TRAK2: variants seen among roughly 807,000 people sequenced by gnomAD.
TRAK2 encodes trafficking kinesin-binding protein 2.
TRAK2 carries 81 observed loss-of-function variants against 104.6 expected under a neutral mutation model. That is an observed-to-expected ratio of 0.77 (90% CI 0.65 to 0.93). The LOEUF is 0.93. TRAK2 is among the 40% of genes least tolerant of loss of function. TRAK2 has a pLI of 0.00. For synonymous variants in TRAK2, 406 were observed against 394.4 expected (o/e 1.03, Z -0.35); for missense variants, 1,002 against 1,089.0 (o/e 0.92, Z 1.12).
chr2:201,400,315 T>A (rs1172312794), intron 4 of TRAK2, among the ~76,000 whole-genome samples: 1 of 152,124 alleles, frequency 6.6e-6, no homozygotes, highest in African/African-American at 2.4e-5. Context: ...GCCTTATATA[T>A]GATCTGCTTA....
intron 15 of TRAK2, among the ~76,000 whole-genome samples, chr2:201,383,072 A>G (rs557583787): frequency 3.2e-4 from 48 of 152,356 alleles, no homozygotes; most frequent in African/African-American, 1.1e-3. Context: ...CATGTTCTAC[A>G]TATCTTTAAA....
intron 1 of TRAK2, among the ~76,000 whole-genome samples, chr2:201,446,115 A>C (rs1457014914): frequency 2.0e-5 from 3 of 152,080 alleles, no homozygotes; most frequent in African/African-American, 7.2e-5. Context: ...TCAGGCTTGA[A>C]ACCTTACAAC....
chr2:201,386,346 T>G lies in TRAK2; in HGVS notation c.1835A>C (p.Glu612Ala). The change falls in exon 14 of 16, where the codon GAG (glutamate) becomes GCG (alanine). Residue 612 changes from glutamate to alanine, a missense_variant. By Grantham distance (107) the Glu-to-Ala change is moderately radical. Coordinates refer to ENST00000332624, the MANE Select transcript of TRAK2 (RefSeq NM_015049.3). ...AAAAGTAATACCCTCCTCTTCATCC[T>G]CTTCTAAATCTGAGATGTGATAAAT... ...DAIYHISDLE[E>A]DEEEGITFQV... 1 of 1,614,154 alleles carries G rather than the reference T, an allele frequency of 6.2e-7. No individual in the cohort carries two copies. The highest frequency in any genetic ancestry group is 8.5e-7 in the Non-Finnish European group (1 of 1,180,022).
intron 1 of TRAK2, among the ~76,000 whole-genome samples, chr2:201,429,715 G>C (rs979261648): frequency 1.3e-5 from 2 of 152,144 alleles, no homozygotes; most frequent in African/African-American, 4.8e-5. Flanking sequence ...AGCTCCCTCA[G>C]GTCATTTGAG....
intron 2 of TRAK2, chr2:201,419,534 T>C (rs1951721882): frequency 6.5e-6 from 1 of 154,336 alleles, no homozygotes; most frequent in African/African-American, 2.4e-5. Context: ...AGAAAGCAGA[T>C]TAGTGGTTGT....
intron 3 of TRAK2, among the ~76,000 whole-genome samples, 163 bp from the exon 4 acceptor site, chr2:201,401,257 T>G (rs1951548755): frequency 6.6e-6 from 1 of 152,058 alleles, no homozygotes; most frequent in Non-Finnish European, 1.5e-5. Context: ...TTTCATGTAT[T>G]AGACACTCAA....
In TRAK2 at chr2:201,395,213, G is replaced by A. The variant is rs113653670; in HGVS notation, c.900+101C>T. ...CAGATTAGGGCATTTTAAAAGGGCA[G>A]GGACAATGTTTATTTTGTTTATTGT... On this transcript the variant is annotated intron_variant, in intron 8 of 15. Coordinates refer to ENST00000332624, the MANE Select transcript of TRAK2 (RefSeq NM_015049.3). 1.6e-3 allele frequency: 1,573 copies of A among 1,012,320 alleles called. 25 individuals are homozygous for A. The African/African-American group carries it at 0.021, about 14-fold the overall frequency. 62.7% of individuals were successfully genotyped at this position (1,012,320 alleles called of 1,614,324 possible).
chr2:201,380,311 C>T lies in TRAK2; in HGVS notation c.*232G>A. The T allele has an allele frequency of 1.8e-6, 1 of 556,448 alleles. No homozygotes were observed. Among genetic ancestry groups the T allele is most frequent in the East Asian group, 2.9e-5 (1 of 34,262 alleles). The allele number at this position is 556,448 out of a possible 1,614,324, so 34.5% of individuals were successfully genotyped here. A position where few individuals can be genotyped will look rare whatever the true frequency, so the allele number is the denominator to read the frequency against. On this transcript the variant is annotated 3_prime_UTR_variant, in exon 16 of 16. Coordinates refer to ENST00000332624, the MANE Select transcript of TRAK2 (RefSeq NM_015049.3). ...ACTCAACTGAAGGAGTATATTAAAC[C>T]TTTCTTTTCTCCCTCTGAACACTCA...
At chr2:201,423,763 A>G (rs1357350054) in intron 1 of TRAK2, among the ~76,000 whole-genome samples, 2 of 152,192 alleles carry the variant, frequency 1.3e-5, no homozygotes, top group African/African-American at 2.4e-5. Context: ...TATATAATAC[A>G]AAGTATATAA....
chr2:201,398,466 T>C, intron 5 of TRAK2, 112 bp from the exon 6 acceptor site: 2 of 1,035,200 alleles, frequency 1.9e-6, no homozygotes, highest in Non-Finnish European at 2.8e-6. Context: ...AATCACAAAA[T>C]CAGCTGCTAG....
At chr2:201,384,281 A>C in intron 14 of TRAK2, 65 bp from the exon 15 acceptor site, 4 of 1,154,366 alleles carry the variant, frequency 3.5e-6, no homozygotes, top group Non-Finnish European at 5.1e-6. Context: ...TAAAAAGCTC[A>C]TCATTATTTA....
At chr2:201,443,847 G>T (rs553910209) in intron 1 of TRAK2, among the ~76,000 whole-genome samples, 1 of 152,112 alleles carries the variant, frequency 6.6e-6, no homozygotes, top group Admixed American at 6.6e-5. Context: ...CCTTAAACAG[G>T]GTTCTTCTCC....
intron 2 of TRAK2, among the ~76,000 whole-genome samples, chr2:201,416,680 TAA>T (rs1265953607): frequency 6.6e-6 from 1 of 152,084 alleles, no homozygotes; most frequent in African/African-American, 2.4e-5. Flanking sequence ...ATAGTAATAA[TAA>T]TATGTAGAAT....
At position 201,386,458 on chromosome 2, in the gene TRAK2, G is replaced by T. The variant is rs760861534; in HGVS notation, c.1723C>A (p.Gln575Lys). ...EGSQTLYHWQ[Q>K]LAQPNLGTIL... is the part of the protein sequence containing the mutation. Reference sequence around the variant, plus strand: ...GTTCCCAAGTTTGGTTGAGCAAGCTGCTGCCAGTGATACAGAGTTTGTGAT... The same window carrying T: ...GTTCCCAAGTTTGGTTGAGCAAGCTTCTGCCAGTGATACAGAGTTTGTGAT... The change falls in exon 14 of 16, where the codon CAG (glutamine) becomes AAG (lysine). Residue 575 changes from glutamine (Q) to lysine (K), a missense_variant. By Grantham distance (53) the Gln-to-Lys change is moderately conservative. Transcript: ENST00000332624. 1.2e-6 allele frequency: 2 copies of T among 1,614,166 alleles called. No individual in the cohort carries two copies. Among genetic ancestry groups the T allele is most frequent in the Non-Finnish European group, 1.7e-6 (2 of 1,180,002 alleles).
intron 1 of TRAK2, among the ~76,000 whole-genome samples, chr2:201,422,352 TAAAAA>T (rs1431784001): frequency 6.6e-6 from 1 of 152,156 alleles, no homozygotes; most frequent in Non-Finnish European, 1.5e-5. Flanking sequence ...TGTGCATACT[TAAAAA>T]AATCAGGAAC....
chr2:201,420,318 G>A (rs1951728726), intron 2 of TRAK2, 99 bp downstream of exon 2: 2 of 957,278 alleles, frequency 2.1e-6, no homozygotes, highest in South Asian at 2.9e-5. Flanking sequence ...AGAAAGGGAG[G>A]CTTGGGTTTC....
At chr2:201,443,264 C>G (rs1438744462) in intron 1 of TRAK2, among the ~76,000 whole-genome samples, 1 of 152,134 alleles carries the variant, frequency 6.6e-6, no homozygotes, top group Non-Finnish European at 1.5e-5. Context: ...ATCAACAGTC[C>G]CTGCTAATCA....
At chr2:201,439,542 T>G (rs10497869) in intron 1 of TRAK2, among the ~76,000 whole-genome samples, 1 of 152,064 alleles carries the variant, frequency 6.6e-6, no homozygotes, top group African/African-American at 2.4e-5. Flanking sequence ...GAAAATAATT[T>G]GATGACTCAG....
In TRAK2 at chr2:201,389,308, C is replaced by G; in HGVS notation, c.1389G>C (p.Glu463Asp). ...TATCATCGGATTCCTACCCTGCAAC[C>G]TCCTCTGAGCTGCTCCCCTGGTTCA... ...SLLNQGSSSE[E>D]VAGSSQKMGQ... Residue 463 changes from glutamate (E) to aspartate (D), a missense_variant, in exon 12 of 16, where the codon GAG becomes GAC. Coordinates refer to ENST00000332624, the MANE Select transcript of TRAK2 (RefSeq NM_015049.3). 1 of 1,614,124 alleles carries G rather than the reference C, an allele frequency of 6.2e-7. No individual in the cohort carries two copies. The highest frequency in any genetic ancestry group is 8.5e-7 in the Non-Finnish European group (1 of 1,180,010).
Sources: allele counts gnomAD v4.1 joint callset (sites outside exome capture counted in the v4.1 genomes callset), GRCh38; gene constraint gnomAD v4.1.1; transcripts MANE v1.5; gene names NCBI Gene and HGNC (gene_info 2026-07-23, HGNC 2026-07-21).